Variants in DTD1 observed in about 807,000 individuals in gnomAD.
DTD1 encodes the protein D-aminoacyl-tRNA deacylase 1.
In DTD1, 13 loss-of-function variants were observed where a neutral mutation model predicts 25.6. That is an observed-to-expected ratio of 0.51 (90% CI 0.33 to 0.81). DTD1 has a LOEUF of 0.81. DTD1 is among the 30% of genes least tolerant of loss of function. The pLI is 0.02. For synonymous variants in DTD1, 110 were observed against 103.6 expected (o/e 1.06, Z -0.37); for missense variants, 193 against 266.4 (o/e 0.72, Z 1.92).
chr20:18,663,634 A>C (rs2060919999), intron 4 of DTD1, among the ~76,000 whole-genome samples: 1 of 152,236 alleles, frequency 6.6e-6, no homozygotes, highest in African/African-American at 2.4e-5. Flanking sequence ...TATTCAGTAG[A>C]GTAACATGCT....
intron 5 of DTD1, among the ~76,000 whole-genome samples, chr20:18,755,213 G>A (rs1299899624): frequency 6.6e-6 from 1 of 152,044 alleles, no homozygotes; most frequent in African/African-American, 2.4e-5. Context: ...TATCAAAAAT[G>A]CCAAAATACC....
At chr20:18,650,674 T>C (rs1378987972) in intron 4 of DTD1, among the ~76,000 whole-genome samples, 1 of 152,246 alleles carries the variant, frequency 6.6e-6, no homozygotes, top group Non-Finnish European at 1.5e-5. Flanking sequence ...GCAGGGATCT[T>C]AGACCAATTA....
intron 4 of DTD1, among the ~76,000 whole-genome samples, chr20:18,743,676 A>AC (rs2061287592): frequency 2.0e-5 from 2 of 101,098 alleles, no homozygotes; most frequent in East Asian, 5.0e-4. Context: ...CCTGTCTCAA[A>AC]AAAAAAAAAA....
chr20:18,720,514 A>G lies in DTD1; in HGVS notation c.478-23586A>G, dbSNP rs150475622. Among the ~76,000 whole-genome samples, 8 of 152,246 alleles carry G rather than the reference A, an allele frequency of 5.3e-5. No individual in the cohort carries two copies. In the East Asian group the frequency reaches 1.5e-3, roughly 29 times the overall value. ...TCAAATGCATCTCTGTTGCATTTGT[A>G]GTGTTTTTATCAGCAGATTCTTATT... On this transcript the variant is annotated intron_variant, in intron 4 of 5. Coordinates refer to ENST00000377452, the MANE Select transcript of DTD1 (RefSeq NM_080820.6).
intron 4 of DTD1, among the ~76,000 whole-genome samples, chr20:18,714,543 C>A (rs978236911): frequency 3.3e-5 from 5 of 152,172 alleles, no homozygotes; most frequent in African/African-American, 1.2e-4. Context: ...TTGTTCATTT[C>A]TGTGGCTCCT....
At chr20:18,755,589 A>C (rs1382467335) in intron 5 of DTD1, among the ~76,000 whole-genome samples, 4 of 152,186 alleles carry the variant, frequency 2.6e-5, no homozygotes, top group Non-Finnish European at 4.4e-5. Context: ...GTCCCTACAA[A>C]GGACATGAAC....
At chr20:18,724,253 C>T (rs779318783) in intron 4 of DTD1, among the ~76,000 whole-genome samples, 4 of 152,040 alleles carry the variant, frequency 2.6e-5, no homozygotes, top group Admixed American at 1.3e-4. Flanking sequence ...AAGAGGAGTT[C>T]CATGAGCAAA....
At chr20:18,597,692 C>G (rs2060617280) in intron 3 of DTD1, among the ~76,000 whole-genome samples, 2 of 152,146 alleles carry the variant, frequency 1.3e-5, no homozygotes, top group South Asian at 4.1e-4. Flanking sequence ...CATGTTGCCA[C>G]TTTTCTTTTC....
At chr20:18,685,292 A>G (rs547425206) in intron 4 of DTD1, among the ~76,000 whole-genome samples, 1 of 152,340 alleles carries the variant, frequency 6.6e-6, no homozygotes, top group Admixed American at 6.5e-5. Context: ...ATGTTGAAGG[A>G]AATATGTGGC....
At chr20:18,656,650 C>G (rs1031559618) in intron 4 of DTD1, among the ~76,000 whole-genome samples, 5 of 152,166 alleles carry the variant, frequency 3.3e-5, no homozygotes, top group African/African-American at 1.2e-4. Flanking sequence ...GTAGATTTGA[C>G]AGCTCTTGTC....
intron 4 of DTD1, among the ~76,000 whole-genome samples, chr20:18,660,098 C>T (rs1001643717): frequency 6.6e-6 from 1 of 151,984 alleles, no homozygotes; most frequent in Non-Finnish European, 1.5e-5. Flanking sequence ...ATTAGCTATG[C>T]GTGGTGGTGG....
intron 4 of DTD1, among the ~76,000 whole-genome samples, chr20:18,646,275 G>A (rs2060850077): frequency 6.6e-6 from 1 of 152,178 alleles, no homozygotes. Context: ...GTCCTCATGG[G>A]TTTGTAAGGA....
At chr20:18,714,539 A>G (rs767167595) in intron 4 of DTD1, among the ~76,000 whole-genome samples, 2 of 152,032 alleles carry the variant, frequency 1.3e-5, no homozygotes, top group Non-Finnish European at 2.9e-5. Flanking sequence ...TCCTTTGTTC[A>G]TTTCTGTGGC....
In DTD1 at chr20:18,670,290, T is replaced by C. The variant is rs372654648; in HGVS notation, c.477+42057T>C. 1.8e-3 allele frequency among the ~76,000 whole-genome samples: 269 copies of C among 152,286 alleles called. 2 individuals are homozygous for C. Among genetic ancestry groups the C allele is most frequent in the South Asian group, 9.7e-3 (47 of 4,826 alleles). On this transcript the variant is annotated intron_variant, in intron 4 of 5. Coordinates refer to ENST00000377452, the MANE Select transcript of DTD1 (RefSeq NM_080820.6). ...GGCCAACATGGCAAAACTCCATCTCTACCAAAAATACAAAAATTAGCTGGG... is the reference window on the plus strand; with the variant it reads ...GGCCAACATGGCAAAACTCCATCTCCACCAAAAATACAAAAATTAGCTGGG...
At chr20:18,692,127 C>T (rs994382636) in intron 4 of DTD1, 6 of 152,108 alleles carry the variant, frequency 3.9e-5, no homozygotes, top group Non-Finnish European at 8.8e-5. Context: ...ATGTGAGAGC[C>T]ACACCCCAAA....
intron 3 of DTD1, among the ~76,000 whole-genome samples, chr20:18,618,710 C>CAT (rs1380492605): frequency 2.1e-5 from 3 of 144,138 alleles, no homozygotes; most frequent in Admixed American, 7.0e-5. Context: ...CACACACACA[C>CAT]ACATATAATT....
intron 3 of DTD1, among the ~76,000 whole-genome samples, chr20:18,613,707 A>G (rs1358800): frequency 1 from 152,192 of 152,332 alleles, 76,026 homozygotes; most frequent in Middle Eastern, 1. Flanking sequence ...TGTGATGCAT[A>G]CTTTGAGGGA....
At chr20:18,670,057 TTC>T (rs200314131) in intron 4 of DTD1, among the ~76,000 whole-genome samples, 2,057 of 152,336 alleles carry the variant, frequency 0.014, 20 homozygotes, top group Middle Eastern at 0.041. Flanking sequence ...TCCTGCCCTC[TTC>T]TCTCTAGCTT....
intron 2 of DTD1, among the ~76,000 whole-genome samples, chr20:18,594,483 C>T (rs1187619625): frequency 6.6e-6 from 1 of 152,148 alleles, no homozygotes; most frequent in Non-Finnish European, 1.5e-5. Context: ...AATGATTGTT[C>T]ACTTTATAGC....
Sources: gnomAD v4.1 joint callset for allele counts (sites outside exome capture counted in the v4.1 genomes callset) on GRCh38, gnomAD v4.1.1 for gene constraint, MANE v1.5 for transcripts, NCBI Gene and HGNC (gene_info 2026-07-23, HGNC 2026-07-21) for gene names.